The following AFG1L variants were observed in gnomAD, a reference collection of about 807,000 sequenced individuals.
AFG1L encodes AFG1 like ATPase, also known as AFG1-like ATPase.
Under a neutral mutation model 62.2 loss-of-function variants are expected in AFG1L, and 53 were observed. That is an observed-to-expected ratio of 0.85 (90% confidence interval 0.68 to 1.07). The LOEUF (loss-of-function observed/expected upper bound fraction) is 1.07, where lower values mean the gene tolerates loss of function less well. Among genes scored for constraint, AFG1L ranks in the 50% least tolerant of loss-of-function variants. AFG1L has a pLI of 0.00. For missense variants in AFG1L, 555 were observed against 590.5 expected (o/e 0.94, Z 0.62); for synonymous variants, 228 against 210.3 (o/e 1.08, Z -0.73).
chr6:108,354,425 C>G (rs1483876572), intron 3 of AFG1L, among the ~76,000 whole-genome samples: 1 of 152,090 alleles, frequency 6.6e-6, no homozygotes, highest in Admixed American at 6.6e-5. Context: ...CTGCCTCAGC[C>G]TCCTGAGTAG....
At chr6:108,511,192 A>G (rs1774639560) in intron 11 of AFG1L, among the ~76,000 whole-genome samples, 1 of 150,684 alleles carries the variant, frequency 6.6e-6, no homozygotes, top group Non-Finnish European at 1.5e-5. Context: ...AGAGAAGGAG[A>G]AGGAGGAGAA....
intron 1 of AFG1L, among the ~76,000 whole-genome samples, chr6:108,307,134 C>T (rs1196270810): frequency 6.6e-6 from 1 of 151,924 alleles, no homozygotes; most frequent in Non-Finnish European, 1.5e-5. Context: ...CTGCCTCAGT[C>T]TCCTGAGTAG....
chr6:108,337,462 T>C (rs551088763), intron 2 of AFG1L, among the ~76,000 whole-genome samples: 34 of 152,340 alleles, frequency 2.2e-4, no homozygotes, highest in Admixed American at 1.6e-3. Flanking sequence ...CGTGAGTTCC[T>C]TGGAAACAAG....
chr6:108,315,808 G>A (rs540598168), intron 1 of AFG1L, among the ~76,000 whole-genome samples: 1 of 152,276 alleles, frequency 6.6e-6, no homozygotes, highest in South Asian at 2.1e-4. Context: ...AGATCTTTGG[G>A]AGGCCAAGGC....
At chr6:108,422,248 G>C (rs190633359) in intron 7 of AFG1L, among the ~76,000 whole-genome samples, 1 of 151,686 alleles carries the variant, frequency 6.6e-6, no homozygotes, top group Non-Finnish European at 1.5e-5. Flanking sequence ...TAATTTGTCC[G>C]ATATCCACTA....
At chr6:108,424,380 G>A (rs1770725770) in intron 7 of AFG1L, among the ~76,000 whole-genome samples, 1 of 151,900 alleles carries the variant, frequency 6.6e-6, no homozygotes, top group Non-Finnish European at 1.5e-5. Context: ...AAAGTCTTAG[G>A]CTACCTAGTC....
intron 10 of AFG1L, among the ~76,000 whole-genome samples, chr6:108,501,293 G>A (rs1004591929): frequency 5.3e-5 from 8 of 152,198 alleles, no homozygotes; most frequent in South Asian, 2.1e-4. Context: ...GCACCTGGCC[G>A]AAGAGAAATT....
At chr6:108,329,952 G>A (rs771154513) in intron 2 of AFG1L, among the ~76,000 whole-genome samples, 1 of 152,088 alleles carries the variant, frequency 6.6e-6, no homozygotes, top group Non-Finnish European at 1.5e-5. Context: ...TAGTCCATTC[G>A]TGGAGTAATG....
chr6:108,421,678 A>G (rs1019533937), intron 7 of AFG1L, among the ~76,000 whole-genome samples: 4 of 152,120 alleles, frequency 2.6e-5, no homozygotes, highest in African/African-American at 4.8e-5. Flanking sequence ...TCTTGAAACA[A>G]AATGCATCAC....
intron 6 of AFG1L, among the ~76,000 whole-genome samples, chr6:108,394,485 G>A (rs746970481): frequency 2.0e-5 from 3 of 151,336 alleles, no homozygotes; most frequent in Admixed American, 6.6e-5. Context: ...CAAACCTGTC[G>A]TCCCTTCCCC....
intron 7 of AFG1L, among the ~76,000 whole-genome samples, chr6:108,445,319 T>G (rs1210041193): frequency 6.6e-6 from 1 of 152,228 alleles, no homozygotes; most frequent in African/African-American, 2.4e-5. Context: ...CTCAAACTTT[T>G]CTCCATATCA....
intron 7 of AFG1L, among the ~76,000 whole-genome samples, chr6:108,415,620 A>G (rs1770226059): frequency 6.6e-6 from 1 of 152,212 alleles, no homozygotes; most frequent in African/African-American, 2.4e-5. Context: ...AATTCCACAC[A>G]TCTGCAACCA....
At chr6:108,517,822 A>C (rs1223137256) in intron 11 of AFG1L, among the ~76,000 whole-genome samples, 1 of 152,054 alleles carries the variant, frequency 6.6e-6, no homozygotes, top group Non-Finnish European at 1.5e-5. Context: ...AAAACAACAA[A>C]CCCATCAAAA....
At chr6:108,511,501 A>C (rs1337285406) in intron 11 of AFG1L, among the ~76,000 whole-genome samples, 2 of 152,204 alleles carry the variant, frequency 1.3e-5, no homozygotes, top group Non-Finnish European at 2.9e-5. Context: ...AATGGTACTT[A>C]TAAAGTTGTT....
intron 10 of AFG1L, among the ~76,000 whole-genome samples, chr6:108,502,239 C>G (rs531675044): frequency 6.7e-6 from 1 of 149,040 alleles, no homozygotes; most frequent in Admixed American, 6.7e-5. Context: ...GAGTTTTGCT[C>G]TTGTTGCCGA....
intron 10 of AFG1L, among the ~76,000 whole-genome samples, chr6:108,509,278 C>T (rs527965872): frequency 2.6e-5 from 4 of 152,206 alleles, no homozygotes; most frequent in African/African-American, 9.6e-5. Context: ...ATACTCTCCT[C>T]GTATCAGGAG....
At chr6:108,390,588 C>T (rs530130309) in intron 6 of AFG1L, among the ~76,000 whole-genome samples, 1 of 152,214 alleles carries the variant, frequency 6.6e-6, no homozygotes, top group Non-Finnish European at 1.5e-5. Flanking sequence ...TTCTAACTGT[C>T]AGGACCCTCA....
In AFG1L at chr6:108,395,328, TA is replaced by T. The variant is rs1259543966; in HGVS notation, c.749-6660del. ...AAAAATCCCATAATGCCATACTTTT[TA>T]AAAAAAATTGAGACACATAATCTGT... On this transcript the variant is annotated intron_variant, in intron 6 of 12. Coordinates refer to ENST00000368977, the MANE Select transcript of AFG1L (RefSeq NM_145315.5). 5.9e-5 allele frequency among the ~76,000 whole-genome samples: 9 copies of T among 151,544 alleles called. No individual in the cohort carries two copies. The South Asian group carries it at 8.3e-4, about 14-fold the overall frequency.
chr6:108,399,182 T>G (rs535351002), intron 6 of AFG1L, among the ~76,000 whole-genome samples: 149 of 37,020 alleles, frequency 4.0e-3, no homozygotes, highest in African/African-American at 6.4e-3. Context: ...TTGTTTGTTT[T>G]TTTTTTTTTT....
Sources: gnomAD v4.1 joint callset for allele counts (sites outside exome capture counted in the v4.1 genomes callset) on GRCh38, gnomAD v4.1.1 for gene constraint, MANE v1.5 for transcripts, NCBI Gene and HGNC (gene_info 2026-07-23, HGNC 2026-07-21) for gene names.